The following RSPH14 variants were observed in gnomAD, a reference collection of about 807,000 sequenced individuals.
RSPH14 encodes rhabdoid tumor deletion region gene 1.
Under a neutral mutation model 26.7 loss-of-function variants are expected in RSPH14, and 20 were observed. The ratio of observed to expected loss-of-function variants is 0.75; its 90% CI spans 0.53 to 1.09. RSPH14 has a LOEUF of 1.09. Ranked by LOEUF, RSPH14 falls within the 50% of genes least tolerant of loss-of-function variation. The pLI, the probability that RSPH14 is intolerant of heterozygous loss-of-function variation, is 0.00. For missense variants in RSPH14, 449 were observed against 457.2 expected, an observed-to-expected ratio of 0.98 and a Z score of 0.16; for synonymous variants, 177 against 189.3, an observed-to-expected ratio of 0.93 and a Z score of 0.53.
chr22:23,062,495 C>T (rs1294624790), intron 5 of RSPH14, among the ~76,000 whole-genome samples: 1 of 152,204 alleles, frequency 6.6e-6, no homozygotes, highest in Admixed American at 6.5e-5. Flanking sequence ...GAAAGGGCTC[C>T]CTGGGCCAGG....
At chr22:23,149,630 T>C (rs1231294187), upstream of RSPH14, among the ~76,000 whole-genome samples, 2 of 152,178 alleles carry the variant, frequency 1.3e-5, no homozygotes, top group African/African-American at 4.8e-5. Flanking sequence ...CTCTGTCTCT[T>C]GAGCTGAAGC....
the RSPH14 span, among the ~76,000 whole-genome samples, chr22:23,160,450 G>A: frequency 1.1e-4 from 17 of 152,338 alleles, no homozygotes; most frequent in African/African-American, 3.8e-4. Flanking sequence ...GGCTCCATGT[G>A]GGGGCTGACA....
chr22:23,142,064 AT>A, upstream of RSPH14: 1 of 984,780 alleles, frequency 1.0e-6, no homozygotes, highest in Non-Finnish European at 1.2e-6. Flanking sequence ...CGCGGTCGAC[AT>A]AATCAGCACC....
the RSPH14 span, among the ~76,000 whole-genome samples, chr22:23,152,285 G>A: frequency 6.6e-6 from 1 of 152,190 alleles, no homozygotes; most frequent in East Asian, 1.9e-4. Flanking sequence ...AGCCTCTCCC[G>A]TCTCCCCTCT....
At chr22:23,114,509 T>C (rs2267001) in intron 4 of RSPH14, among the ~76,000 whole-genome samples, 86,574 of 151,392 alleles carry the variant, frequency 0.57, 25,090 homozygotes, top group African/African-American at 0.65. Context: ...CGTCCTGCTC[T>C]TGTATTACCC....
intron 4 of RSPH14, among the ~76,000 whole-genome samples, chr22:23,108,469 G>A (rs781122700): frequency 6.6e-6 from 1 of 152,256 alleles, no homozygotes; most frequent in Non-Finnish European, 1.5e-5. Flanking sequence ...TGACAGAGAC[G>A]GAAGCAGGAG....
At chr22:23,110,127 T>A (rs2069604445) in intron 4 of RSPH14, among the ~76,000 whole-genome samples, 1 of 152,190 alleles carries the variant, frequency 6.6e-6, no homozygotes, top group African/African-American at 2.4e-5. Context: ...AGTGGGAGGA[T>A]GACCAGGCCT....
At chr22:23,115,700 T>C (rs2069810865) in intron 4 of RSPH14, among the ~76,000 whole-genome samples, 1 of 152,056 alleles carries the variant, frequency 6.6e-6, no homozygotes, top group Non-Finnish European at 1.5e-5. Context: ...CCCCTGCAAA[T>C]GGAGGGGCCC....
At chr22:23,076,560 C>G (rs1433531230) in intron 4 of RSPH14, among the ~76,000 whole-genome samples, 1 of 152,210 alleles carries the variant, frequency 6.6e-6, no homozygotes, top group African/African-American at 2.4e-5. Context: ...ATGCTACCAG[C>G]TGGGCCCCGT....
the RSPH14 span, chr22:23,158,873 C>A: frequency 6.2e-7 from 1 of 1,605,780 alleles, no homozygotes; most frequent in Non-Finnish European, 8.5e-7. Context: ...GGGTGAATCT[C>A]TCAGCCTCTC....
chr22:23,130,497 A>AGAAAGAAAGAAAGAAAGAAAGAAAGG (rs10684885), intron 4 of RSPH14, among the ~76,000 whole-genome samples: 1 of 778 alleles, frequency 1.3e-3, no homozygotes, highest in African/African-American at 0.011. Flanking sequence ...AAGGAAAGAA[A>AGAAAGAAAGAAAGAAAGAAAGAAAGG]AAGAAAGAAA....
chr22:23,132,056 G>A (rs1362620161), intron 4 of RSPH14, among the ~76,000 whole-genome samples: 1 of 152,152 alleles, frequency 6.6e-6, no homozygotes, highest in Non-Finnish European at 1.5e-5. Flanking sequence ...GAATGCTCAC[G>A]CCTGGCCTTG....
chr22:23,108,312 G>A (rs751101494), intron 4 of RSPH14, among the ~76,000 whole-genome samples: 12 of 152,240 alleles, frequency 7.9e-5, no homozygotes, highest in Non-Finnish European at 1.3e-4. Flanking sequence ...TGAGAACAGG[G>A]GCCAATGGTG....
chr22:23,095,506 A>G (rs962698348), intron 4 of RSPH14: 1 of 636,144 alleles, frequency 1.6e-6, no homozygotes, highest in Non-Finnish European at 2.7e-6. Flanking sequence ...CCCGCTGCAC[A>G]GAGCGCCATG....
chr22:23,145,231 G>T (rs2070697113), upstream of RSPH14: 1 of 790,762 alleles, frequency 1.3e-6, no homozygotes, highest in Non-Finnish European at 2.0e-6. Flanking sequence ...CTCCGCCCCC[G>T]GGCCTCCATA....
chr22:23,162,809 A>G, the RSPH14 span: 23 of 451,696 alleles, frequency 5.1e-5, no homozygotes, highest in Non-Finnish European at 9.4e-5. Flanking sequence ...TGCCCTGTAA[A>G]TGTTCAGCTC....
the RSPH14 span, among the ~76,000 whole-genome samples, chr22:23,171,842 C>CAA: frequency 2.3e-3 from 69 of 30,576 alleles, no homozygotes; most frequent in East Asian, 4.9e-3. Context: ...AACTCTGTCT[C>CAA]AAAAAAAAAA....
chr22:23,113,683 G>A (rs2069726657), intron 4 of RSPH14, among the ~76,000 whole-genome samples: 1 of 152,232 alleles, frequency 6.6e-6, no homozygotes, highest in African/African-American at 2.4e-5. Flanking sequence ...CGGTACACCT[G>A]CCAGGACCTC....
chr22:23,156,564 C>G, the RSPH14 span, among the ~76,000 whole-genome samples: 2 of 152,290 alleles, frequency 1.3e-5, no homozygotes, highest in East Asian at 3.9e-4. Context: ...GGATGCCTAC[C>G]CCACCTTCCC....
Sources: allele counts gnomAD v4.1 joint callset (sites outside exome capture counted in the v4.1 genomes callset), GRCh38; gene constraint gnomAD v4.1.1; transcripts MANE v1.5; gene names NCBI Gene and HGNC (gene_info 2026-07-23, HGNC 2026-07-21).